Variants in AZIN1 observed in about 807,000 individuals in gnomAD.
AZIN1 encodes the protein antizyme inhibitor 1.
A neutral mutation model predicts 47.4 loss-of-function variants in AZIN1; 12 were observed. That is an observed-to-expected ratio of 0.25 (90% CI 0.16 to 0.41). The LOEUF is 0.41. Among genes scored for constraint, AZIN1 ranks in the 10% least tolerant of loss-of-function variants. The pLI, the probability that AZIN1 is intolerant of heterozygous loss-of-function variation, is 1.00. For missense variants in AZIN1, 410 were observed against 532.4 expected (o/e 0.77, Z 2.26); for synonymous variants, 155 against 176.3 (o/e 0.88, Z 0.96).
chr8:102,833,006 A>C (rs968124205), intron 9 of AZIN1, 50 bp downstream of exon 9: 4 of 1,480,378 alleles, frequency 2.7e-6, no homozygotes, highest in Admixed American at 3.5e-5. Flanking sequence ...TTTCCAGACT[A>C]ACTGCAATTA....
intron 9 of AZIN1, among the ~76,000 whole-genome samples, chr8:102,832,744 G>A (rs1200138731): frequency 2.6e-5 from 4 of 151,898 alleles, no homozygotes; most frequent in African/African-American, 7.3e-5. Context: ...GGATTCAAGC[G>A]ATTTTTGTGC....
chr8:102,848,553 T>C (rs1041669422), intron 2 of AZIN1, among the ~76,000 whole-genome samples: 1 of 152,174 alleles, frequency 6.6e-6, no homozygotes, highest in African/African-American at 2.4e-5. Context: ...TTTTCTAATA[T>C]ATCTTGAGGC....
rs2131280764 is a variant in AZIN1, at chr8:102,856,871, T to C, written c.-96+1142A>G. On this transcript the variant is annotated intron_variant, in intron 2 of 11. Transcript: ENST00000337198. ...ACCTGGATATAGACTCTGATTCAGGTTTGGGTGAGGCTGAGATTCTGTATT... is the reference window on the plus strand; with the variant it reads ...ACCTGGATATAGACTCTGATTCAGGCTTGGGTGAGGCTGAGATTCTGTATT... Among the ~76,000 whole-genome samples, 3 of 152,274 alleles carry C rather than the reference T, an allele frequency of 2.0e-5. No homozygotes were observed. In the Middle Eastern group the frequency reaches 0.01, roughly 518 times the overall value.
At chr8:102,829,739 C>A in intron 10 of AZIN1, 82 bp downstream of exon 10, 1 of 1,110,528 alleles carries the variant, frequency 9.0e-7, no homozygotes, top group South Asian at 1.4e-5. Context: ...AGATGTTTTT[C>A]AAAAAACTGG....
intron 2 of AZIN1, among the ~76,000 whole-genome samples, chr8:102,844,129 G>A (rs1019032126): frequency 6.6e-5 from 10 of 152,150 alleles, no homozygotes; most frequent in African/African-American, 9.7e-5. Context: ...CTGCATCCAA[G>A]AAATCAAAAT....
chr8:102,862,182 T>C (rs960823684), intron 1 of AZIN1, among the ~76,000 whole-genome samples: 3 of 152,190 alleles, frequency 2.0e-5, no homozygotes, highest in Non-Finnish European at 4.4e-5. Context: ...GTTCATCAAA[T>C]TGCATACTTA....
At chr8:102,837,753 AG>A (rs1375596416) in intron 5 of AZIN1, among the ~76,000 whole-genome samples, 1 of 152,262 alleles carries the variant, frequency 6.6e-6, no homozygotes, top group Non-Finnish European at 1.5e-5. Flanking sequence ...CATTAAAGTC[AG>A]TATGAAAATT....
chr8:102,855,363 G>A (rs927714774), intron 2 of AZIN1: 3 of 152,114 alleles, frequency 2.0e-5, no homozygotes, highest in Admixed American at 1.3e-4. Context: ...CCTGGCCTAG[G>A]GGATTTCTCA....
intron 2 of AZIN1, among the ~76,000 whole-genome samples, chr8:102,846,733 T>G (rs527991491): frequency 1.4e-4 from 22 of 152,242 alleles, no homozygotes; most frequent in African/African-American, 5.3e-4. Context: ...TTCAGACATA[T>G]GAACACTCAT....
chr8:102,851,645 G>A (rs1441162950), intron 2 of AZIN1, among the ~76,000 whole-genome samples: 1 of 152,148 alleles, frequency 6.6e-6, no homozygotes, highest in Non-Finnish European at 1.5e-5. Flanking sequence ...GGTGGAGGTT[G>A]CAGTGGGCCA....
At chr8:102,863,705 G>C (rs1466084460) in intron 1 of AZIN1, 102 bp downstream of exon 1, 1 of 151,564 alleles carries the variant, frequency 6.6e-6, no homozygotes, top group African/African-American at 2.4e-5. Context: ...GGCGCTGCGG[G>C]GACGTCTTAA....
In AZIN1 at chr8:102,827,260, T is replaced by C. The variant is rs1243715969; in HGVS notation, c.*1307A>G. 1 of 152,432 alleles carries C rather than the reference T, an allele frequency of 6.6e-6. No individual in the cohort carries two copies. The highest frequency in any genetic ancestry group is 1.5e-5 in the Non-Finnish European group (1 of 68,028). 9.4% of individuals were successfully genotyped at this position (152,432 alleles called of 1,614,324 possible). On this transcript the variant is annotated 3_prime_UTR_variant, in exon 12 of 12. Coordinates refer to ENST00000337198, the MANE Select transcript of AZIN1 (RefSeq NM_148174.4). ...TGATTCTGAGATCTAGGATTTCTAA[T>C]ATACTAGCAGTAAACAAAGCAAATT...
At chr8:102,837,623 G>A (rs1811906359) in intron 5 of AZIN1, among the ~76,000 whole-genome samples, 1 of 152,104 alleles carries the variant, frequency 6.6e-6, no homozygotes, top group South Asian at 2.1e-4. Flanking sequence ...TGTCTTCAGA[G>A]GATCACAGAA....
intron 1 of AZIN1, among the ~76,000 whole-genome samples, chr8:102,863,297 A>C (rs1563555620): frequency 6.6e-6 from 1 of 151,864 alleles, no homozygotes; most frequent in Non-Finnish European, 1.5e-5. Flanking sequence ...CGCTCCATTC[A>C]TAACCAGGAC....
chr8:102,836,024 T>G (rs779361964), intron 6 of AZIN1, among the ~76,000 whole-genome samples: 1 of 152,226 alleles, frequency 6.6e-6, no homozygotes. Context: ...TATTATTTGC[T>G]ATTCTTTTTA....
Position 102,834,752 on chromosome 8 carries a change from AAC to A in AZIN1, c.585-7_585-6del. The A allele has an allele frequency of 1.2e-6, 2 of 1,600,546 alleles. No homozygotes were observed. Among genetic ancestry groups the A allele is most frequent in the Non-Finnish European group, 1.7e-6 (2 of 1,169,376 alleles). ...CAAGCACTCGAAACATGAAATCTGAAACACATAGAATACTAAATTTAAAGGAG... is the reference window on the plus strand; with the variant it reads ...CAAGCACTCGAAACATGAAATCTGAAACATAGAATACTAAATTTAAAGGAG... On this transcript the variant is annotated splice_polypyrimidine_tract_variant and splice_region_variant and intron_variant, in intron 6 of 11. Coordinates refer to ENST00000337198, the MANE Select transcript of AZIN1 (RefSeq NM_148174.4).
rs141186322 is a variant in AZIN1, at chr8:102,840,177, A to G, written c.103-354T>C. On this transcript the variant is annotated intron_variant, in intron 3 of 11. Transcript: ENST00000337198. ...GAAGGAAGGGAACCTATTTTCTCCCATGCTTCCCCCACTGTTTAAAATACT... is the reference window on the plus strand; with the variant it reads ...GAAGGAAGGGAACCTATTTTCTCCCGTGCTTCCCCCACTGTTTAAAATACT... Among the ~76,000 whole-genome samples, 13 of 152,326 alleles carry G rather than the reference A, an allele frequency of 8.5e-5. 1 individual carries two copies. The East Asian group carries it at 2.3e-3, about 27-fold the overall frequency.
chr8:102,847,014 G>A (rs1812607517), intron 2 of AZIN1, among the ~76,000 whole-genome samples: 1 of 152,148 alleles, frequency 6.6e-6, no homozygotes, highest in Non-Finnish European at 1.5e-5. Flanking sequence ...CTAAAGGAAA[G>A]ATAAAATGTT....
chr8:102,834,247 G>A lies in AZIN1; in HGVS notation c.683C>T (p.Thr228Met), dbSNP rs371109138. ...TCCACCAATGTCTAACATGTTCATC[G>A]TAAAGCCAATTTCTCCCTAGAGATG... is the stretch of plus-strand genomic sequence containing the variant. ...VFDMAGEIGF[T>M]MNMLDIGGGF... Residue 228 changes from threonine (T) to methionine (M), a missense_variant, in exon 8 of 12, where the codon ACG becomes ATG. Thr to Met is a moderately conservative substitution (Grantham distance 81, BLOSUM62 -1). Coordinates refer to ENST00000337198, the MANE Select transcript of AZIN1 (RefSeq NM_148174.4). 9.9e-6 allele frequency: 16 copies of A among 1,611,266 alleles called. No individual in the cohort carries two copies. Among genetic ancestry groups the A allele is most frequent in the Middle Eastern group, 1.6e-4 (1 of 6,072 alleles).
Sources: allele counts gnomAD v4.1 joint callset (sites outside exome capture counted in the v4.1 genomes callset), GRCh38; gene constraint gnomAD v4.1.1; transcripts MANE v1.5; gene names NCBI Gene and HGNC (gene_info 2026-07-23, HGNC 2026-07-21).